Variants in FBXL4 observed in about 807,000 individuals in gnomAD.
The protein encoded by FBXL4 is F-box and leucine rich repeat protein 4.
FBXL4 carries 40 observed loss-of-function variants against 58.9 expected under a neutral mutation model. That is an observed-to-expected ratio of 0.68 (90% CI 0.53 to 0.88). FBXL4 has a LOEUF of 0.88. Among genes scored for constraint, FBXL4 ranks in the 40% least tolerant of loss-of-function variants. The pLI is 0.00. For missense variants in FBXL4, 676 were observed against 734.4 expected (o/e 0.92, Z 0.92); for synonymous variants, 263 against 265.5 (o/e 0.99, Z 0.09).
Position 98,905,643 on chromosome 6 carries a change from T to A in FBXL4, c.886A>T (p.Thr296Ser), listed in dbSNP as rs999441893. The A allele has an allele frequency of 6.2e-7, 1 of 1,613,814 alleles. No individual in the cohort carries two copies. The highest frequency in any genetic ancestry group is 1.1e-5 in the South Asian group (1 of 91,062). Residue 296 changes from threonine to serine, a missense_variant, in exon 6 of 10, where the codon ACA becomes TCA. By Grantham distance (58) the Thr-to-Ser change is moderately conservative. Coordinates refer to ENST00000369244, the MANE Select transcript of FBXL4 (RefSeq NM_001278716.2). ...ELIQLILNHL[T>S]LPDLCRLAQT... is the part of the protein sequence containing the mutation. ...GCTAATCTACACAGGTCTGGTAGTG[T>A]AAGATGATTCAGAATCAGCTGAATA...
At chr6:98,920,288 C>A (rs1772529645) in intron 4 of FBXL4, among the ~76,000 whole-genome samples, 1 of 152,126 alleles carries the variant, frequency 6.6e-6, no homozygotes. Flanking sequence ...ACTTCCTTAA[C>A]ATTTCTAGCA....
chr6:98,922,372 T>C (rs1310732906), intron 4 of FBXL4, among the ~76,000 whole-genome samples: 1 of 152,214 alleles, frequency 6.6e-6, no homozygotes, highest in African/African-American at 2.4e-5. Flanking sequence ...AAATTTTAAA[T>C]GTTCTGGGAC....
intron 8 of FBXL4, among the ~76,000 whole-genome samples, chr6:98,878,224 T>C (rs1447291394): frequency 6.6e-6 from 1 of 152,192 alleles, no homozygotes; most frequent in African/African-American, 2.4e-5. Context: ...ATCACAAATC[T>C]AAACATTGCT....
chr6:98,899,171 T>C, intron 7 of FBXL4, 97 bp downstream of exon 7: 1 of 1,524,170 alleles, frequency 6.6e-7, no homozygotes, highest in Non-Finnish European at 8.8e-7. Context: ...AAACTTGATT[T>C]AAAAATAAAA....
chr6:98,917,793 T>G, intron 4 of FBXL4, 74 bp from the exon 5 acceptor site: 1 of 990,830 alleles, frequency 1.0e-6, no homozygotes, highest in East Asian at 2.4e-5. Context: ...TATAGACCCA[T>G]GCCCAATATG....
rs772808614 is a variant in FBXL4, at chr6:98,928,374, G to A, written c.-190-552C>T. ...ACAGGGTGTCTCTCTTGCCGCCCAG[G>A]CTGGAGTGCCCTGGCGCAATCTCGG... is the stretch of plus-strand genomic sequence containing the variant. On this transcript the variant is annotated intron_variant, in intron 2 of 9. Transcript: ENST00000369244. Among the ~76,000 whole-genome samples, 60 of 151,828 alleles carry A rather than the reference G, an allele frequency of 4.0e-4. 1 individual carries two copies. The highest frequency in any genetic ancestry group is 7.5e-4 in the Non-Finnish European group (51 of 67,966).
At chr6:98,878,871 C>A (rs1005817628) in intron 8 of FBXL4, among the ~76,000 whole-genome samples, 1 of 152,078 alleles carries the variant, frequency 6.6e-6, no homozygotes, top group African/African-American at 2.4e-5. Flanking sequence ...TCGGGTCCAT[C>A]AAGAAGAGTC....
At chr6:98,903,676 G>A (rs1340022557) in intron 6 of FBXL4, among the ~76,000 whole-genome samples, 2 of 152,118 alleles carry the variant, frequency 1.3e-5, no homozygotes, top group East Asian at 1.9e-4. Flanking sequence ...CTTCTCAAGC[G>A]CCAGAAGCTG....
At position 98,873,042 on chromosome 6, in the gene FBXL4, T is replaced by A. The variant is rs1305642208; in HGVS notation, c.*1236A>T. The A allele has an allele frequency of 6.6e-6, 1 of 151,970 alleles. No homozygotes were observed. The highest frequency in any genetic ancestry group is 6.6e-5 in the Admixed American group (1 of 15,226). 9.4% of individuals were successfully genotyped at this position (151,970 alleles called of 1,614,324 possible). A position where few individuals can be genotyped will look rare whatever the true frequency, so the allele number is the denominator to read the frequency against. On this transcript the variant is annotated 3_prime_UTR_variant, in exon 10 of 10. Coordinates refer to ENST00000369244, the MANE Select transcript of FBXL4 (RefSeq NM_001278716.2). ...TAAAAAAATGAATTAATTCTGCTAC[T>A]CAGAAAGTAGACAGAAAATATTTTG...
chr6:98,899,672 A>C lies in FBXL4; in HGVS notation c.1104-191T>G, dbSNP rs536544265. Among the ~76,000 whole-genome samples, 14 of 152,336 alleles carry C rather than the reference A, an allele frequency of 9.2e-5. No individual in the cohort carries two copies. In the South Asian group the frequency reaches 2.9e-3, roughly 32 times the overall value. ...ATGAATGGTTAGGCTAAAAAAATCA[A>C]CTTGAGAGAACAAAATGAATTCACA... On this transcript the variant is annotated intron_variant, in intron 6 of 9. Transcript: ENST00000369244.
At position 98,934,830 on chromosome 6, in the gene FBXL4, G is replaced by C. The variant is rs1223447888; in HGVS notation, c.-259C>G. On this transcript the variant is annotated 5_prime_UTR_variant, in exon 2 of 10. Coordinates refer to ENST00000369244, the MANE Select transcript of FBXL4 (RefSeq NM_001278716.2). ...GCTTCAAAGCTTCTTGAAAATCCAA[G>C]CGAATGAAGCAAATGGAGAAGGCAA... 1.3e-5 allele frequency: 2 copies of C among 152,198 alleles called. No individual in the cohort carries two copies. Among genetic ancestry groups the C allele is most frequent in the Non-Finnish European group, 2.9e-5 (2 of 68,052 alleles). 9.4% of individuals were successfully genotyped at this position (152,198 alleles called of 1,614,324 possible).
chr6:98,892,667 T>TTA (rs1184679272), intron 7 of FBXL4, among the ~76,000 whole-genome samples: 1 of 152,210 alleles, frequency 6.6e-6, no homozygotes, highest in Non-Finnish European at 1.5e-5. Flanking sequence ...GCAATTTTAC[T>TTA]TATATATATG....
intron 4 of FBXL4, among the ~76,000 whole-genome samples, chr6:98,922,767 G>A: frequency 6.6e-6 from 1 of 151,942 alleles, no homozygotes; most frequent in East Asian, 1.9e-4. Flanking sequence ...AATTTTTTTT[G>A]AACAGATGCA....
chr6:98,873,412 C>T lies in FBXL4; in HGVS notation c.*866G>A, dbSNP rs1462541190. 6.7e-6 allele frequency: 1 copy of T among 149,902 alleles called. No individual in the cohort carries two copies. Among genetic ancestry groups the T allele is most frequent in the Admixed American group, 6.7e-5 (1 of 14,990 alleles). 9.3% of individuals were successfully genotyped at this position (149,902 alleles called of 1,614,324 possible). A position where few individuals can be genotyped will look rare whatever the true frequency, so the allele number is the denominator to read the frequency against. ...TATGTTTTTTTATATAATTCAGAAA[C>T]CTCAAAACTTTACCTTTCACAAAAT... On this transcript the variant is annotated 3_prime_UTR_variant, in exon 10 of 10. Coordinates refer to ENST00000369244, the MANE Select transcript of FBXL4 (RefSeq NM_001278716.2).
Position 98,876,649 on chromosome 6 carries a change from A to T in FBXL4, c.1390-922T>A, listed in dbSNP as rs560120691. Among the ~76,000 whole-genome samples the T allele has an allele frequency of 3.3e-4, 51 of 152,316 alleles. 1 individual carries two copies. In the South Asian group the frequency reaches 8.9e-3, roughly 27 times the overall value. On this transcript the variant is annotated intron_variant, in intron 8 of 9. Coordinates refer to ENST00000369244, the MANE Select transcript of FBXL4 (RefSeq NM_001278716.2). ...GACTAATTAAGGAAAAAATACATTC[A>T]AAGAGTGACATATAGTGGGAAAATA...
Position 98,905,426 on chromosome 6 carries a change from C to T in FBXL4, c.1103G>A (p.Arg368Lys), listed in dbSNP as rs774697942. 43 of 1,613,790 alleles carry T rather than the reference C, an allele frequency of 2.7e-5. No homozygotes were observed. Among genetic ancestry groups the T allele is most frequent in the Admixed American group, 8.3e-5 (5 of 59,980 alleles). ...AACTTCATCAAGGCTTTGTACTAAC[C>T]TGCTAAATCCTGCAACAGAGATGAA... ...RGFISVAGFS[R>K]FLKVCGSELV... is the part of the protein sequence containing the mutation. Residue 368 changes from arginine (R) to lysine (K), a missense_variant and splice_region_variant, in exon 6 of 10, where the codon AGG (arginine) becomes AAG (lysine). Arg to Lys is a conservative substitution (Grantham distance 26). Coordinates refer to ENST00000369244, the MANE Select transcript of FBXL4 (RefSeq NM_001278716.2).
intron 7 of FBXL4, among the ~76,000 whole-genome samples, chr6:98,887,844 A>G (rs1379501528): frequency 6.6e-6 from 1 of 152,216 alleles, no homozygotes; most frequent in East Asian, 1.9e-4. Flanking sequence ...GACAGGTAGC[A>G]CTGAGGTGAG....
chr6:98,920,680 G>T (rs573197578), intron 4 of FBXL4, among the ~76,000 whole-genome samples: 94 of 152,116 alleles, frequency 6.2e-4, no homozygotes, highest in African/African-American at 2.2e-3. Context: ...AAATGAGAAA[G>T]GTATCTATCT....
At chr6:98,935,375 G>C (rs1449693686) in intron 1 of FBXL4, among the ~76,000 whole-genome samples, 1 of 150,432 alleles carries the variant, frequency 6.6e-6, no homozygotes, top group Non-Finnish European at 1.5e-5. Flanking sequence ...CTCACAAAGT[G>C]AAAAGAAAGG....
Sources: gnomAD v4.1 joint callset for allele counts (sites outside exome capture counted in the v4.1 genomes callset) on GRCh38, gnomAD v4.1.1 for gene constraint, MANE v1.5 for transcripts, NCBI Gene and HGNC (gene_info 2026-07-23, HGNC 2026-07-21) for gene names.